Variants in KDM8 observed in about 807,000 individuals in gnomAD.
KDM8 encodes the protein lysine demethylase 8.
Under a neutral mutation model 46.9 loss-of-function variants are expected in KDM8, and 35 were observed. That is an observed-to-expected ratio of 0.75 (90% CI 0.57 to 0.99). The LOEUF is 0.99. Among genes scored for constraint, KDM8 ranks in the 50% least tolerant of loss-of-function variants. The pLI is 0.00. For synonymous variants in KDM8, 232 were observed against 227.7 expected, an observed-to-expected ratio of 1.02 and a Z score of -0.17; for missense variants, 475 against 537.0, an observed-to-expected ratio of 0.88 and a Z score of 1.14.
intron 1 of KDM8, among the ~76,000 whole-genome samples, chr16:27,208,682 AC>A (rs939242736): frequency 6.7e-6 from 1 of 150,032 alleles, no homozygotes; most frequent in Admixed American, 6.6e-5. Flanking sequence ...TAAGCCACAC[AC>A]GGGATGAGCC....
intron 2 of KDM8, chr16:27,213,310 G>T: frequency 3.1e-6 from 1 of 321,222 alleles, no homozygotes; most frequent in East Asian, 7.1e-5. Flanking sequence ...TGGTGAAGTT[G>T]GAGATAGTAA....
In KDM8 at chr16:27,213,721, C is replaced by G; in HGVS notation, c.635C>G (p.Ala212Gly). The change falls in exon 3 of 8, where the codon GCT becomes GGT. Residue 212 changes from alanine (A) to glycine (G), a missense_variant. Transcript: ENST00000286096. ...PGRPVILKGV[A>G]DHWPCMQKWS... The stretch of plus-strand genomic sequence containing the variant: ...AGGCCCGTGATCCTGAAAGGCGTGG[C>G]TGACCACTGGCCGTGCATGCAGAAG... The G allele has an allele frequency of 6.2e-7, 1 of 1,614,200 alleles. No individual in the cohort carries two copies. The highest frequency in any genetic ancestry group is 8.5e-7 in the Non-Finnish European group (1 of 1,180,018).
intron 1 of KDM8, among the ~76,000 whole-genome samples, chr16:27,207,132 G>A (rs2083436374): frequency 6.6e-6 from 1 of 152,218 alleles, no homozygotes; most frequent in Admixed American, 6.5e-5. Context: ...CAAGGGCCGG[G>A]CGTGGTGGCT....
Position 27,213,739 on chromosome 16 carries a change from T to C in KDM8, c.653T>C (p.Met218Thr). Residue 218 changes from methionine to threonine, a missense_variant, in exon 3 of 8, where the codon ATG becomes ACG. Transcript: ENST00000286096. Reference protein sequence around the residue: ...LKGVADHWPCMQKWSLEYIQE... With the variant: ...LKGVADHWPCTQKWSLEYIQE... ...GGCGTGGCTGACCACTGGCCGTGCA[T>C]GCAGAAGTGGAGGTGGGTGGTCGCT... is the stretch of plus-strand genomic sequence containing the variant. 6.2e-7 allele frequency: 1 copy of C among 1,614,124 alleles called. No individual in the cohort carries two copies. The highest frequency in any genetic ancestry group is 1.1e-5 in the South Asian group (1 of 91,072).
At position 27,210,574 on chromosome 16, in the gene KDM8, G is replaced by A. The variant is rs141912044; in HGVS notation, c.451G>A (p.Gly151Arg). Residue 151 changes from glycine to arginine, a missense_variant, in exon 2 of 8, where the codon GGA (glycine) becomes AGA (arginine). Gly to Arg is a moderately radical substitution (Grantham distance 125, BLOSUM62 -2). Coordinates refer to ENST00000286096, the MANE Select transcript of KDM8 (RefSeq NM_024773.3). ...TGCCATCCTCCAGACACACCTCCCTGGAAAGAGGCCTGCCCGTGGCTCCCT... is the reference window on the plus strand; with the variant it reads ...TGCCATCCTCCAGACACACCTCCCTAGAAAGAGGCCTGCCCGTGGCTCCCT... ...VAAILQTHLP[G>R]KRPARGSLPE... 697 of 1,519,510 alleles carry A rather than the reference G, an allele frequency of 4.6e-4. No homozygotes were observed. Among genetic ancestry groups the A allele is most frequent in the Non-Finnish European group, 5.9e-4 (667 of 1,133,900 alleles). The allele number at this position is 1,519,510 out of a possible 1,614,324, so 94.1% of individuals were successfully genotyped here.
Position 27,214,954 on chromosome 16 carries a change from G to A in KDM8, c.744G>A (p.Trp248Ter). The A allele has an allele frequency of 6.2e-7, 1 of 1,614,156 alleles. No individual in the cohort carries two copies. Among genetic ancestry groups the A allele is most frequent in the Non-Finnish European group, 8.5e-7 (1 of 1,180,010 alleles). Residue 248 changes from tryptophan to a stop codon, truncating the protein, a stop_gained, in exon 4 of 8, where the codon TGG (tryptophan) becomes TGA (stop). Transcript: ENST00000286096. LOFTEE classifies it high-confidence loss of function. Reference sequence around the variant, plus strand: ...GTTCGAGGTACACAGATGAGGAATGGTCCCAGACCCTCATGACGGTCAACG... The same window carrying A: ...GTTCGAGGTACACAGATGAGGAATGATCCCAGACCCTCATGACGGTCAACG... ...EVGSRYTDEE[W>*]SQTLMTVNEF...
chr16:27,219,129 A>T lies in KDM8; in HGVS notation c.993+19A>T. The T allele has an allele frequency of 6.3e-7, 1 of 1,589,904 alleles. No individual in the cohort carries two copies. Among genetic ancestry groups the T allele is most frequent in the East Asian group, 2.3e-5 (1 of 44,132 alleles). ...AGTGCAGGTTGGAGCTGCAGCTGGA[A>T]TAGTGGCCTTCTAACTCCTCCTGGC... On this transcript the variant is annotated intron_variant, in intron 6 of 7. Transcript: ENST00000286096.
At chr16:27,204,110 C>G (rs1185655441) in intron 1 of KDM8, 2 of 1,546,914 alleles carry the variant, frequency 1.3e-6, no homozygotes, top group African/African-American at 2.8e-5. Flanking sequence ...GCGAGAAATG[C>G]AGCCCCGGGG....
chr16:27,204,020 G>A, intron 1 of KDM8: 5 of 1,338,314 alleles, frequency 3.7e-6, no homozygotes, highest in African/African-American at 1.5e-5. Context: ...TGTGTCCGCT[G>A]CTTTTAGGCA....
chr16:27,210,016 A>C, intron 1 of KDM8, 77 bp from the exon 2 acceptor site: 2 of 1,422,990 alleles, frequency 1.4e-6, no homozygotes, highest in Non-Finnish European at 1.9e-6. Context: ...CGCAGATGAG[A>C]TGCAGGAAGC....
chr16:27,216,912 C>T (rs1347216915), intron 5 of KDM8, among the ~76,000 whole-genome samples: 5 of 152,142 alleles, frequency 3.3e-5, no homozygotes, highest in Non-Finnish European at 1.5e-5. Flanking sequence ...CCCTGGAAGC[C>T]ATGGTTAACC....
chr16:27,204,304 C>A, intron 1 of KDM8: 1 of 1,380,618 alleles, frequency 7.2e-7, no homozygotes, highest in Non-Finnish European at 9.3e-7. Flanking sequence ...CTCAGGAGGA[C>A]TCGGGAGCAA....
At chr16:27,220,538 AGAT>A (rs759367466) in intron 7 of KDM8, 25 bp from the exon 8 acceptor site, 1 of 1,614,140 alleles carries the variant, frequency 6.2e-7, no homozygotes, top group East Asian at 2.2e-5. Flanking sequence ...CTGCCCCTGG[AGAT>A]GATGACGTCC....
intron 1 of KDM8, among the ~76,000 whole-genome samples, chr16:27,205,130 G>A (rs2083415378): frequency 6.6e-6 from 1 of 152,258 alleles, no homozygotes; most frequent in Non-Finnish European, 1.5e-5. Context: ...TTGCCAGTTT[G>A]CATAGTGAAT....
intron 1 of KDM8, among the ~76,000 whole-genome samples, chr16:27,209,506 C>T (rs1263029749): frequency 6.6e-6 from 1 of 152,238 alleles, no homozygotes; most frequent in Non-Finnish European, 1.5e-5. Flanking sequence ...GGATTACAGG[C>T]GTGAGCCACC....
chr16:27,219,013 A>G lies in KDM8; in HGVS notation c.896A>G (p.Asp299Gly). 1.2e-6 allele frequency: 2 copies of G among 1,614,080 alleles called. No homozygotes were observed. The highest frequency in any genetic ancestry group is 3.3e-4 in the Middle Eastern group (2 of 6,062). ...ISIPDYCSLG[D>G]GEEEEITINA... ...ATCCCCGACTACTGCAGCCTGGGCG[A>G]TGGGGAGGAGGAGGAAATCACCATC... Residue 299 changes from aspartate to glycine, a missense_variant, in exon 6 of 8, where the codon GAT becomes GGT. Coordinates refer to ENST00000286096, the MANE Select transcript of KDM8 (RefSeq NM_024773.3).
At chr16:27,213,950 A>C in intron 3 of KDM8, 199 bp downstream of exon 3, 1 of 562,572 alleles carries the variant, frequency 1.8e-6, no homozygotes, top group African/African-American at 1.9e-5. Context: ...TGGGATTCTT[A>C]CCTTCTACCT....
At chr16:27,211,429 A>T in intron 2 of KDM8, 1 of 324,492 alleles carries the variant, frequency 3.1e-6, no homozygotes, top group Non-Finnish European at 6.1e-6. Context: ...CACCCCCAGG[A>T]ACAGAGCATG....
At chr16:27,205,602 G>C (rs2141996816) in intron 1 of KDM8, among the ~76,000 whole-genome samples, 1 of 152,260 alleles carries the variant, frequency 6.6e-6, no homozygotes, top group African/African-American at 2.4e-5. Context: ...AGCACTTTGG[G>C]AAGCCAAGCA....
Sources: gnomAD v4.1 joint callset for allele counts (sites outside exome capture counted in the v4.1 genomes callset) on GRCh38, gnomAD v4.1.1 for gene constraint, MANE v1.5 for transcripts, NCBI Gene and HGNC (gene_info 2026-07-23, HGNC 2026-07-21) for gene names.